PDE4B: variants seen among roughly 807,000 people sequenced by gnomAD.
PDE4B encodes the protein phosphodiesterase 4B, also known as 3',5'-cyclic-AMP phosphodiesterase 4B.
In PDE4B, 20 loss-of-function variants were observed where a neutral mutation model predicts 82.2. That is an observed-to-expected ratio of 0.24 (90% CI 0.17 to 0.35). The LOEUF (loss-of-function observed/expected upper bound fraction) is 0.35, where lower values mean the gene tolerates loss of function less well. Among genes scored for constraint, PDE4B ranks in the 10% least tolerant of loss-of-function variants. The probability of loss-of-function intolerance (pLI) is 1.00; values close to 1 mark genes in which losing one functional copy is unlikely to be tolerated. For missense variants in PDE4B, 655 were observed against 907.2 expected, an observed-to-expected ratio of 0.72 and a Z score of 3.57; for synonymous variants, 320 against 318.9, an observed-to-expected ratio of 1.00 and a Z score of -0.04.
chr1:66,059,285 C>G (rs957900076), intron 3 of PDE4B, among the ~76,000 whole-genome samples: 1 of 152,182 alleles, frequency 6.6e-6, no homozygotes, highest in Non-Finnish European at 1.5e-5. Context: ...CTAGGAAGTT[C>G]CAAGCCTTCC....
intron 3 of PDE4B, among the ~76,000 whole-genome samples, chr1:66,201,993 A>C (rs1293372468): frequency 1.3e-5 from 2 of 152,124 alleles, no homozygotes; most frequent in African/African-American, 4.8e-5. Context: ...TAGTGCTATA[A>C]ATTTCCCTCT....
chr1:65,905,171 C>T (rs1569628911), intron 1 of PDE4B, among the ~76,000 whole-genome samples: 1 of 152,236 alleles, frequency 6.6e-6, no homozygotes, highest in East Asian at 1.9e-4. Context: ...TTCATTCATA[C>T]AAACAAATAT....
chr1:66,002,598 A>G (rs1465573714), intron 3 of PDE4B, among the ~76,000 whole-genome samples: 1 of 151,896 alleles, frequency 6.6e-6, no homozygotes, highest in Non-Finnish European at 1.5e-5. Context: ...TATATGAAAC[A>G]CTATATAATG....
intron 3 of PDE4B, among the ~76,000 whole-genome samples, chr1:66,075,582 T>G (rs946071222): frequency 1.3e-5 from 2 of 152,080 alleles, no homozygotes; most frequent in Admixed American, 6.6e-5. Context: ...TGACCAAAAT[T>G]ATAATCCTGT....
chr1:66,262,520 T>C (rs1654758173), intron 6 of PDE4B, among the ~76,000 whole-genome samples: 1 of 152,228 alleles, frequency 6.6e-6, no homozygotes. Context: ...ATCTTCCCTA[T>C]TTATATCACC....
chr1:65,883,452 CTGTT>C (rs1404993206), intron 1 of PDE4B, among the ~76,000 whole-genome samples: 2 of 151,922 alleles, frequency 1.3e-5, no homozygotes, highest in Non-Finnish European at 2.9e-5. Context: ...ATTTGGCTCT[CTGTT>C]TGTCTGTTAT....
intron 1 of PDE4B, among the ~76,000 whole-genome samples, chr1:65,826,618 T>A (rs1406268151): frequency 6.6e-6 from 1 of 152,098 alleles, no homozygotes; most frequent in East Asian, 1.9e-4. Flanking sequence ...TATGGACAAA[T>A]GCCTTAATCT....
At position 65,965,849 on chromosome 1, in the gene PDE4B, C is replaced by A. The variant is rs769292777; in HGVS notation, c.281+47014C>A. Reference sequence around the variant, plus strand: ...AAGGCCTGCAACAAAATTCAACACCCCTTCATGCTAAAAGCTCTCAGTAAA... The same window carrying A: ...AAGGCCTGCAACAAAATTCAACACCACTTCATGCTAAAAGCTCTCAGTAAA... On this transcript the variant is annotated intron_variant, in intron 3 of 16. Coordinates refer to ENST00000341517, the MANE Select transcript of PDE4B (RefSeq NM_002600.4). Among the ~76,000 whole-genome samples, 5 of 152,070 alleles carry A rather than the reference C, an allele frequency of 3.3e-5. No homozygotes were observed. In the East Asian group the frequency reaches 9.6e-4, roughly 29 times the overall value.
intron 1 of PDE4B, among the ~76,000 whole-genome samples, chr1:65,893,763 G>A (rs546085655): frequency 8.2e-4 from 125 of 152,164 alleles, no homozygotes; most frequent in African/African-American, 2.6e-3. Flanking sequence ...AACAGTGACT[G>A]TTTAAAGAAA....
intron 3 of PDE4B, among the ~76,000 whole-genome samples, chr1:66,072,478 T>C (rs1306031064): frequency 6.6e-6 from 1 of 152,140 alleles, no homozygotes; most frequent in African/African-American, 2.4e-5. Context: ...CAATTTTAGT[T>C]TGTAGACTTA....
At chr1:66,265,977 C>CG in intron 6 of PDE4B, 61 bp from the exon 7 acceptor site, 1 of 1,227,920 alleles carries the variant, frequency 8.1e-7, no homozygotes, top group Non-Finnish European at 1.2e-6. Context: ...GGTGGGGTGT[C>CG]GGGGGTGGAA....
chr1:65,931,194 T>C (rs1331253746), intron 3 of PDE4B, among the ~76,000 whole-genome samples: 1 of 152,234 alleles, frequency 6.6e-6, no homozygotes, highest in Non-Finnish European at 1.5e-5. Flanking sequence ...CCTTCCACCA[T>C]GATTGTAAGT....
chr1:66,214,371 A>G (rs190515624), intron 3 of PDE4B, among the ~76,000 whole-genome samples: 2 of 152,272 alleles, frequency 1.3e-5, no homozygotes, highest in East Asian at 3.9e-4. Context: ...AGATTTTTGA[A>G]GAGGAAGAAG....
At chr1:66,101,550 T>C (rs1645224516) in intron 3 of PDE4B, among the ~76,000 whole-genome samples, 1 of 152,222 alleles carries the variant, frequency 6.6e-6, no homozygotes, top group African/African-American at 2.4e-5. Flanking sequence ...GGTATCTCAC[T>C]GTAGTTTTGA....
intron 3 of PDE4B, among the ~76,000 whole-genome samples, chr1:66,191,064 A>G (rs919055034): frequency 6.6e-6 from 1 of 152,164 alleles, no homozygotes; most frequent in Non-Finnish European, 1.5e-5. Context: ...TATATTCATT[A>G]TGTGTCTTCA....
intron 1 of PDE4B, among the ~76,000 whole-genome samples, chr1:65,910,879 G>A (rs908719472): frequency 3.3e-5 from 5 of 152,158 alleles, no homozygotes; most frequent in Non-Finnish European, 7.3e-5. Context: ...GGCCAAGAGT[G>A]GGTCTGAAGG....
intron 1 of PDE4B, among the ~76,000 whole-genome samples, chr1:65,824,861 A>G (rs1161213064): frequency 1.3e-5 from 2 of 152,104 alleles, no homozygotes; most frequent in Non-Finnish European, 2.9e-5. Flanking sequence ...CAGCTTTCTG[A>G]AGCCCAGTTG....
chr1:65,988,422 A>C (rs1021707736), intron 3 of PDE4B, among the ~76,000 whole-genome samples: 1 of 152,140 alleles, frequency 6.6e-6, no homozygotes. Flanking sequence ...ATAACAGCAT[A>C]CACTGCTGGA....
intron 3 of PDE4B, among the ~76,000 whole-genome samples, chr1:65,956,624 A>G (rs1296394364): frequency 6.6e-6 from 1 of 152,138 alleles, no homozygotes; most frequent in East Asian, 1.9e-4. Flanking sequence ...AACTTCCAGT[A>G]AATGTTCGCG....
Sources: gnomAD v4.1 joint callset for allele counts (sites outside exome capture counted in the v4.1 genomes callset) on GRCh38, gnomAD v4.1.1 for gene constraint, MANE v1.5 for transcripts, NCBI Gene and HGNC (gene_info 2026-07-23, HGNC 2026-07-21) for gene names.